THAP8: variants seen among roughly 807,000 people sequenced by gnomAD.
THAP8 encodes THAP domain-containing protein 8.
In THAP8, 24 loss-of-function variants were observed where a neutral mutation model predicts 25.0. That is an observed-to-expected ratio of 0.96 (90% CI 0.69 to 1.35). THAP8 has a LOEUF of 1.35. THAP8 is among the 40% of genes most tolerant of loss of function. The probability of loss-of-function intolerance (pLI) is 0.00; values close to 1 mark genes in which losing one functional copy is unlikely to be tolerated. For synonymous variants in THAP8, 169 were observed against 157.6 expected, an observed-to-expected ratio of 1.07 and a Z score of -0.54; for missense variants, 399 against 368.8, an observed-to-expected ratio of 1.08 and a Z score of -0.67.
At chr19:36,040,869 G>T (rs1274845696) in intron 1 of THAP8, among the ~76,000 whole-genome samples, 1 of 152,108 alleles carries the variant, frequency 6.6e-6, no homozygotes, top group African/African-American at 2.4e-5. Context: ...CCATATAAAT[G>T]GGGGTGTGGG....
In THAP8 at chr19:36,039,925, A is replaced by G. The variant is rs1465787898; in HGVS notation, c.276+19T>C. 6.2e-7 allele frequency: 1 copy of G among 1,611,438 alleles called. No individual in the cohort carries two copies. On this transcript the variant is annotated intron_variant, in intron 2 of 3. Transcript: ENST00000292894. ...GGTCTGGGGGTTGGATTCCAGCAGC[A>G]GGACCTCCCAGCGCTCACCTTGGCA... is the stretch of plus-strand genomic sequence containing the variant.
chr19:36,039,313 T>C lies in THAP8; in HGVS notation c.672+10A>G, dbSNP rs1270000968. On this transcript the variant is annotated intron_variant, in intron 3 of 3. Coordinates refer to ENST00000292894, the MANE Select transcript of THAP8 (RefSeq NM_152658.3). ...CATGGATGGGGCTGCCAGGCTGGGGTGCCACTCACCAGGCGCTGCAGACCC... is the reference window on the plus strand; with the variant it reads ...CATGGATGGGGCTGCCAGGCTGGGGCGCCACTCACCAGGCGCTGCAGACCC... The C allele has an allele frequency of 2.1e-6, 3 of 1,457,458 alleles. No individual in the cohort carries two copies. The highest frequency in any genetic ancestry group is 2.7e-6 in the Non-Finnish European group (3 of 1,111,222). The allele number at this position is 1,457,458 out of a possible 1,614,324, so 90.3% of individuals were successfully genotyped here.
chr19:36,054,150 G>C lies in THAP8; in HGVS notation c.68C>G (p.Pro23Arg). The C allele has an allele frequency of 6.2e-7, 1 of 1,613,792 alleles. No individual in the cohort carries two copies. Among genetic ancestry groups the C allele is most frequent in the Admixed American group, 1.7e-5 (1 of 59,994 alleles). Residue 23 changes from proline to arginine, a missense_variant, in exon 1 of 4, where the codon CCT becomes CGT. Coordinates refer to ENST00000292894, the MANE Select transcript of THAP8 (RefSeq NM_152658.3). ...CTGCGCTCACTTGTAGAAGCTCACA[G>C]GGCGGTTGTCTGCACCCAGGCGGCC... Reference protein sequence around the residue: ...TAGRLGADNRPVSFYKFPLKD... With the variant: ...TAGRLGADNRRVSFYKFPLKD...
At chr19:36,036,915 T>G (rs1246938799) in intron 3 of THAP8, among the ~76,000 whole-genome samples, 1 of 132,758 alleles carries the variant, frequency 7.5e-6, no homozygotes, top group East Asian at 2.2e-4. Context: ...CACTCCAGCC[T>G]GGGCAACAGA....
chr19:36,052,076 C>T (rs1271995901), intron 1 of THAP8, among the ~76,000 whole-genome samples: 1 of 151,032 alleles, frequency 6.6e-6, no homozygotes, highest in Non-Finnish European at 1.5e-5. Context: ...GATGAAGTCT[C>T]ACTCTGTCGC....
intron 1 of THAP8, among the ~76,000 whole-genome samples, chr19:36,052,988 C>G (rs1198714296): frequency 6.6e-6 from 1 of 152,038 alleles, no homozygotes; most frequent in African/African-American, 2.4e-5. Flanking sequence ...TTTGGGAGGC[C>G]GAGGCAGGAG....
In THAP8 at chr19:36,054,138, T is replaced by TAGA; in HGVS notation, c.77_79dup (p.Phe26dup). 1 of 1,613,564 alleles carries TAGA rather than the reference T, an allele frequency of 6.2e-7. No individual in the cohort carries two copies. The highest frequency in any genetic ancestry group is 8.5e-7 in the Non-Finnish European group (1 of 1,179,826). On this transcript the variant is annotated inframe_insertion, in exon 1 of 4. Coordinates refer to ENST00000292894, the MANE Select transcript of THAP8 (RefSeq NM_152658.3). ...CCCCGCCCCGCGCTGCGCTCACTTG[T>TAGA]AGAAGCTCACAGGGCGGTTGTCTGC... is the stretch of plus-strand genomic sequence containing the variant.
At chr19:36,045,265 T>A (rs915569741) in intron 1 of THAP8, among the ~76,000 whole-genome samples, 4 of 151,326 alleles carry the variant, frequency 2.6e-5, no homozygotes, top group Admixed American at 6.6e-5. Context: ...TTTTTTTGTA[T>A]ATTTATTTAT....
At chr19:36,042,358 G>A (rs369817047) in intron 1 of THAP8, among the ~76,000 whole-genome samples, 1 of 151,740 alleles carries the variant, frequency 6.6e-6, no homozygotes, top group Admixed American at 6.6e-5. Context: ...CAGGCCTGGC[G>A]TGGTGGCTCA....
upstream of THAP8, chr19:36,054,495 G>C: frequency 1.7e-6 from 1 of 574,338 alleles, no homozygotes; most frequent in Non-Finnish European, 3.1e-6. Context: ...ATCACGTGTT[G>C]GGGGGAAGGG....
At chr19:36,035,739 C>A in intron 3 of THAP8, 147 bp from the exon 4 acceptor site, 2 of 857,946 alleles carry the variant, frequency 2.3e-6, no homozygotes, top group Non-Finnish European at 3.5e-6. Context: ...TATGAGGAGA[C>A]AGGAAAGCAG....
intron 3 of THAP8, among the ~76,000 whole-genome samples, 159 bp downstream of exon 3, chr19:36,039,164 G>A (rs1969587002): frequency 1.3e-5 from 2 of 152,244 alleles, no homozygotes. Flanking sequence ...CAAAGTGTTG[G>A]GATTACAGGC....
chr19:36,048,726 T>C (rs1260507506), intron 1 of THAP8, among the ~76,000 whole-genome samples: 1 of 151,108 alleles, frequency 6.6e-6, no homozygotes, highest in East Asian at 2.0e-4. Context: ...TGTCTGCCTA[T>C]AGTCGCAGCT....
chr19:36,041,970 A>AT (rs1969707440), intron 1 of THAP8, among the ~76,000 whole-genome samples: 1 of 152,116 alleles, frequency 6.6e-6, no homozygotes, highest in South Asian at 2.1e-4. Context: ...CTATAGTTCT[A>AT]TCTACTTAGG....
At chr19:36,044,552 C>G (rs536849522) in intron 1 of THAP8, among the ~76,000 whole-genome samples, 6 of 152,174 alleles carry the variant, frequency 3.9e-5, no homozygotes, top group African/African-American at 1.4e-4. Context: ...TGCAGAGGCA[C>G]GATCATGGCT....
intron 1 of THAP8, among the ~76,000 whole-genome samples, chr19:36,048,414 G>A (rs1392737392): frequency 2.6e-5 from 4 of 151,218 alleles, no homozygotes; most frequent in Non-Finnish European, 5.9e-5. Flanking sequence ...TGCCTAGGCT[G>A]GAGTGCAGTG....
intron 1 of THAP8, among the ~76,000 whole-genome samples, chr19:36,051,797 G>C (rs1053977592): frequency 6.6e-6 from 1 of 152,162 alleles, no homozygotes; most frequent in East Asian, 1.9e-4. Context: ...CTACAGACGG[G>C]TACCAGTCTA....
intron 1 of THAP8, among the ~76,000 whole-genome samples, chr19:36,041,415 T>C (rs1334936026): frequency 6.6e-6 from 1 of 152,080 alleles, no homozygotes; most frequent in African/African-American, 2.4e-5. Flanking sequence ...TAATTACGGA[T>C]AAAAGATCTG....
At chr19:36,048,843 AAAAAAAAAAAAAAC>A (rs915702499) in intron 1 of THAP8, among the ~76,000 whole-genome samples, 1 of 115,344 alleles carries the variant, frequency 8.7e-6, no homozygotes, top group Admixed American at 8.5e-5. Context: ...CCCTTCTTTA[AAAAAAAAAAAAAAC>A]AAAAAAACAA....
Sources: gnomAD v4.1 joint callset for allele counts (sites outside exome capture counted in the v4.1 genomes callset) on GRCh38, gnomAD v4.1.1 for gene constraint, MANE v1.5 for transcripts, NCBI Gene and HGNC (gene_info 2026-07-23, HGNC 2026-07-21) for gene names.